Variants in ATG7 observed in about 807,000 individuals in gnomAD.
ATG7 encodes autophagy related 7.
Under a neutral mutation model 82.4 loss-of-function variants are expected in ATG7, and 70 were observed. The observed-to-expected ratio is 0.85, with a 90% CI of 0.70 to 1.04. The LOEUF (loss-of-function observed/expected upper bound fraction) is 1.04. Among genes scored for constraint, ATG7 ranks in the 50% least tolerant of loss-of-function variants. The probability of loss-of-function intolerance (pLI) is 0.00; values close to 1 mark genes in which losing one functional copy is unlikely to be tolerated. For missense variants in ATG7, 792 were observed against 864.3 expected (o/e 0.92, Z 1.05); for synonymous variants, 287 against 313.0 (o/e 0.92, Z 0.88).
chr3:11,399,060 G>A (rs1456229635), intron 19 of ATG7, among the ~76,000 whole-genome samples: 3 of 152,072 alleles, frequency 2.0e-5, no homozygotes, highest in Admixed American at 2.0e-4. Context: ...TTAAAAATCA[G>A]ATGCAGGCTG....
At chr3:11,455,938 C>T (rs758593758) in intron 20 of ATG7, among the ~76,000 whole-genome samples, 43 of 152,182 alleles carry the variant, frequency 2.8e-4, no homozygotes, top group Non-Finnish European at 4.1e-4. Context: ...CTTTGAACCC[C>T]GATGGCATTG....
chr3:11,488,487 G>T (rs1184297515), intron 20 of ATG7: 277 of 1,265,500 alleles, frequency 2.2e-4, no homozygotes, highest in Middle Eastern at 3.1e-4. Flanking sequence ...TGCAGCTGGG[G>T]CCCGCGGGTG....
intron 19 of ATG7, among the ~76,000 whole-genome samples, chr3:11,416,878 A>C (rs1013590496): frequency 6.6e-6 from 1 of 152,252 alleles, no homozygotes; most frequent in East Asian, 1.9e-4. Flanking sequence ...CCTGCATCTC[A>C]TGAATTTTGA....
intron 20 of ATG7, among the ~76,000 whole-genome samples, chr3:11,453,710 G>A (rs2152988856): frequency 6.6e-6 from 1 of 152,182 alleles, no homozygotes; most frequent in East Asian, 1.9e-4. Flanking sequence ...GTGTGAATTG[G>A]CAATTGTGTG....
At chr3:11,314,772 A>G (rs1413214019) in intron 8 of ATG7, among the ~76,000 whole-genome samples, 1 of 174 alleles carries the variant, frequency 5.7e-3, no homozygotes, top group East Asian at 0.25. Flanking sequence ...CCATCGCTAT[A>G]AAAAATACCA....
At chr3:11,530,854 A>G (rs1364367733) in intron 20 of ATG7, among the ~76,000 whole-genome samples, 4 of 152,192 alleles carry the variant, frequency 2.6e-5, no homozygotes, top group African/African-American at 4.8e-5. Context: ...GATGGTGCAC[A>G]CCTGTAATCA....
At chr3:11,420,910 C>T (rs1023805404) in intron 19 of ATG7, among the ~76,000 whole-genome samples, 2 of 151,906 alleles carry the variant, frequency 1.3e-5, no homozygotes, top group African/African-American at 2.4e-5. Flanking sequence ...TGTATGCCAC[C>T]TTGTCCGGCT....
intron 20 of ATG7, among the ~76,000 whole-genome samples, chr3:11,512,536 C>T (rs1339802035): frequency 6.6e-6 from 1 of 152,206 alleles, no homozygotes; most frequent in Non-Finnish European, 1.5e-5. Context: ...GTCTCACTGA[C>T]TTCAAGAATG....
intron 5 of ATG7, among the ~76,000 whole-genome samples, chr3:11,302,796 A>G (rs1946996432): frequency 6.6e-6 from 1 of 152,220 alleles, no homozygotes; most frequent in African/African-American, 2.4e-5. Context: ...ATAGCACTGG[A>G]TAAGTCTCTT....
chr3:11,564,239 T>C, the ATG7 span, among the ~76,000 whole-genome samples: 1 of 152,214 alleles, frequency 6.6e-6, no homozygotes, highest in Non-Finnish European at 1.5e-5. Context: ...ATCATTTAAT[T>C]TCCTATTTTC....
At chr3:11,527,039 A>ATG (rs1305844528) in intron 20 of ATG7, among the ~76,000 whole-genome samples, 1 of 111,896 alleles carries the variant, frequency 8.9e-6, no homozygotes, top group Non-Finnish European at 1.9e-5. Context: ...GTGTGTGTAT[A>ATG]TATGTGTGTG....
rs749148621 is a variant in ATG7, at chr3:11,342,179, G to A, written c.1025G>A (p.Trp342Ter). 6.2e-7 allele frequency: 1 copy of A among 1,613,176 alleles called. No homozygotes were observed. The highest frequency in any genetic ancestry group is 1.3e-5 in the African/African-American group (1 of 74,852). ...SVDLNLKLMC[W>*]RLVPTLDLDK... Reference sequence around the variant, plus strand: ...GATCTAAATCTCAAACTGATGTGTTGGAGATTGGTTCCTACTTTAGACTTG... The same window carrying A: ...GATCTAAATCTCAAACTGATGTGTTAGAGATTGGTTCCTACTTTAGACTTG... Residue 342 changes from tryptophan (W) to a stop codon, truncating the protein, a stop_gained, in exon 13 of 21, where the codon TGG becomes TAG. Coordinates refer to ENST00000693202, the MANE Select transcript of ATG7 (RefSeq NM_001349232.2). LOFTEE classifies it high-confidence loss of function.
At chr3:11,282,685 C>G (rs143391922) in intron 3 of ATG7, among the ~76,000 whole-genome samples, 48 of 152,284 alleles carry the variant, frequency 3.2e-4, no homozygotes, top group African/African-American at 1.1e-3. Flanking sequence ...TCCGGTAGAG[C>G]CTACTCTTTC....
At chr3:11,410,090 A>G (rs2080754558) in intron 19 of ATG7, among the ~76,000 whole-genome samples, 1 of 152,202 alleles carries the variant, frequency 6.6e-6, no homozygotes, top group South Asian at 2.1e-4. Context: ...AGCTTGTTTT[A>G]TATCTACACA....
intron 20 of ATG7, among the ~76,000 whole-genome samples, chr3:11,541,483 G>A (rs967359956): frequency 6.6e-6 from 1 of 152,176 alleles, no homozygotes; most frequent in Admixed American, 6.5e-5. Context: ...GTCAGTGTCT[G>A]CCTTGTTACT....
chr3:11,485,303 A>G (rs1476592455), intron 20 of ATG7, among the ~76,000 whole-genome samples: 2 of 152,130 alleles, frequency 1.3e-5, no homozygotes, highest in East Asian at 3.9e-4. Context: ...GATGTTGAGC[A>G]TTTTTTCATG....
At chr3:11,469,700 C>A (rs1432247714) in intron 20 of ATG7, among the ~76,000 whole-genome samples, 1 of 151,844 alleles carries the variant, frequency 6.6e-6, no homozygotes, top group African/African-American at 2.4e-5. Context: ...AGATGGTGTA[C>A]TGGGGCCAAG....
At chr3:11,568,152 C>T in the ATG7 span, among the ~76,000 whole-genome samples, 7 of 152,206 alleles carry the variant, frequency 4.6e-5, no homozygotes, top group Admixed American at 2.6e-4. This position sits in a 1 kb window ranked among gnomAD's most constrained non-coding sequence, Gnocchi z 5.9. Flanking sequence ...AAGACACCCC[C>T]GGGTGGCATG....
chr3:11,412,261 CTT>C (rs71055869), intron 19 of ATG7, among the ~76,000 whole-genome samples: 130 of 137,774 alleles, frequency 9.4e-4, no homozygotes, highest in Admixed American at 1.9e-3. Context: ...TTATTTGATT[CTT>C]TTTTTTTTTT....
Sources: gnomAD v4.1 joint callset for allele counts (sites outside exome capture counted in the v4.1 genomes callset) on GRCh38, gnomAD v4.1.1 for gene constraint, Gnocchi (gnomAD v3.1) non-coding constraint, MANE v1.5 for transcripts, NCBI Gene and HGNC (gene_info 2026-07-23, HGNC 2026-07-21) for gene names.